Variants in CFAP54 observed in about 807,000 individuals in gnomAD.
CFAP54 encodes the protein cilia- and flagella-associated protein 54.
A neutral mutation model predicts 370.4 loss-of-function variants in CFAP54; 290 were observed. The observed-to-expected ratio is 0.78, with a 90% confidence interval of 0.71 to 0.86. The LOEUF is 0.86. CFAP54 is among the 40% of genes least tolerant of loss of function. CFAP54 has a pLI of 0.00. For missense variants in CFAP54, 3,399 were observed against 3,528.7 expected (o/e 0.96, Z 0.93); for synonymous variants, 1,206 against 1,236.5 (o/e 0.98, Z 0.52).
At chr12:96,841,173 A>G (rs1565999388) in intron 66 of CFAP54, among the ~76,000 whole-genome samples, 1 of 152,188 alleles carries the variant, frequency 6.6e-6, no homozygotes, top group East Asian at 1.9e-4. Context: ...GATACTGTGT[A>G]TTTACTGTGA....
intron 26 of CFAP54, among the ~76,000 whole-genome samples, chr12:96,599,703 A>G (rs1240022114): frequency 6.6e-6 from 1 of 152,158 alleles, no homozygotes; most frequent in Non-Finnish European, 1.5e-5. Flanking sequence ...CGCCATTCTA[A>G]CTGGTGTGAG....
chr12:96,794,600 TA>T (rs1234710971), intron 63 of CFAP54, among the ~76,000 whole-genome samples: 1 of 152,176 alleles, frequency 6.6e-6, no homozygotes, highest in Non-Finnish European at 1.5e-5. Flanking sequence ...CATTGTTTTT[TA>T]TTTATGCTGT....
chr12:96,547,934 C>T lies in CFAP54; in HGVS notation c.2110C>T (p.Pro704Ser). The T allele has an allele frequency of 2.0e-6, 3 of 1,507,526 alleles. No individual in the cohort carries two copies. Among genetic ancestry groups the T allele is most frequent in the African/African-American group, 1.4e-5 (1 of 71,976 alleles). 93.4% of individuals were successfully genotyped at this position (1,507,526 alleles called of 1,614,324 possible). Residue 704 changes from proline (P) to serine (S), a missense_variant, in exon 15 of 68, where the codon CCT becomes TCT. Physicochemically the swap from Pro to Ser is moderately conservative, Grantham distance 74 (BLOSUM62 -1). Transcript: ENST00000524981. ...VPLREGTNKF[P>S]GAPKGITEIL... ...TTTAAGAGAAGGGACTAACAAATTC[C>T]CTGGAGCTCCAAAAGGGATCACAGA...
intron 55 of CFAP54, among the ~76,000 whole-genome samples, chr12:96,749,353 T>A (rs1958157260): frequency 6.6e-6 from 1 of 152,240 alleles, no homozygotes; most frequent in African/African-American, 2.4e-5. Context: ...CCTCACGACC[T>A]AATCACCTCC....
At chr12:96,790,330 T>G (rs1359090639) in intron 62 of CFAP54, among the ~76,000 whole-genome samples, 2 of 151,696 alleles carry the variant, frequency 1.3e-5, no homozygotes, top group East Asian at 3.9e-4. Flanking sequence ...TTTTATTTCT[T>G]TCAAAGAACA....
chr12:96,581,139 G>A, intron 22 of CFAP54, 34 bp downstream of exon 22: 1 of 1,326,194 alleles, frequency 7.5e-7, no homozygotes, highest in Non-Finnish European at 9.8e-7. Flanking sequence ...TTTCCACTGT[G>A]TTTTTTTTTC....
At chr12:96,507,214 A>G (rs1955112188) in intron 4 of CFAP54, 115 bp downstream of exon 4, 2 of 823,822 alleles carry the variant, frequency 2.4e-6, no homozygotes, top group Non-Finnish European at 3.5e-6. Context: ...TCATAATAGG[A>G]TGAATATATT....
intron 67 of CFAP54, among the ~76,000 whole-genome samples, chr12:96,864,582 G>T (rs1437996544): frequency 2.0e-5 from 3 of 152,074 alleles, no homozygotes; most frequent in African/African-American, 7.2e-5. Flanking sequence ...AGTCTGCATT[G>T]CCCCTTCCTG....
At chr12:96,793,923 AGTTT>A (rs1958731134) in intron 63 of CFAP54, among the ~76,000 whole-genome samples, 2 of 151,766 alleles carry the variant, frequency 1.3e-5, no homozygotes, top group Admixed American at 1.3e-4. Context: ...TTTTCTTGCT[AGTTT>A]GTTTGAGTTC....
intron 60 of CFAP54, among the ~76,000 whole-genome samples, chr12:96,778,209 A>G (rs1230944871): frequency 6.6e-6 from 1 of 152,196 alleles, no homozygotes; most frequent in Non-Finnish European, 1.5e-5. Flanking sequence ...ATGGGTGATT[A>G]CTGCAAATGG....
In CFAP54 at chr12:96,651,641, C is replaced by T; in HGVS notation, c.4926C>T (p.Ala1642=). The change falls in exon 36 of 68, where the codon GCC becomes GCT. Residue 1642 remains alanine (A), a synonymous_variant. Coordinates refer to ENST00000524981, the MANE Select transcript of CFAP54 (RefSeq NM_001306084.2). ...YWTLLQNCCR[A]LWNFTQELQI... Reference sequence around the variant, plus strand: ...CTCTGCTTCAGAACTGCTGTCGGGCCTTATGGAACTTTACTCAGGAACTAC... The same window carrying T: ...CTCTGCTTCAGAACTGCTGTCGGGCTTTATGGAACTTTACTCAGGAACTAC... The T allele has an allele frequency of 6.2e-7, 1 of 1,614,136 alleles. No individual in the cohort carries two copies. The highest frequency in any genetic ancestry group is 2.2e-5 in the East Asian group (1 of 44,874).
Position 96,743,728 on chromosome 12 carries a change from T to C in CFAP54, c.7378-3T>C, listed in dbSNP as rs1592737535. The C allele has an allele frequency of 1.3e-6, 2 of 1,584,326 alleles. No homozygotes were observed. Among genetic ancestry groups the C allele is most frequent in the East Asian group, 2.2e-5 (1 of 44,604 alleles). On this transcript the variant is annotated splice_polypyrimidine_tract_variant and splice_region_variant and intron_variant, in intron 53 of 67. Transcript: ENST00000524981. ...ATCAAAATGAATAATTTTATTTTAA[T>C]AGGATATAATACATTTGCTGGAAGG...
intron 9 of CFAP54, among the ~76,000 whole-genome samples, chr12:96,529,991 T>C (rs373896742): frequency 3.9e-4 from 60 of 152,238 alleles, no homozygotes; most frequent in Non-Finnish European, 7.3e-4. Flanking sequence ...TAATTAGAAA[T>C]TAGATCTTTT....
intron 46 of CFAP54, 63 bp from the exon 47 acceptor site, chr12:96,704,680 G>A: frequency 1.5e-6 from 1 of 665,272 alleles, no homozygotes; most frequent in South Asian, 2.5e-5. Flanking sequence ...CACATTAAAT[G>A]TTTTATTGAA....
intron 67 of CFAP54, 60 bp downstream of exon 67, chr12:96,861,012 A>G (rs1408284351): frequency 1.7e-5 from 22 of 1,290,994 alleles, no homozygotes; most frequent in Non-Finnish European, 2.0e-5. Flanking sequence ...AGTTTTTGGA[A>G]CGGTCCTCTT....
chr12:96,682,295 C>T (rs1478036461), intron 40 of CFAP54: 39 of 985,642 alleles, frequency 4.0e-5, no homozygotes, highest in Non-Finnish European at 4.1e-5. Context: ...CTTCCATATT[C>T]ACAACTTGGA....
intron 50 of CFAP54, among the ~76,000 whole-genome samples, chr12:96,735,124 C>T (rs941680375): frequency 6.6e-6 from 1 of 152,108 alleles, no homozygotes; most frequent in African/African-American, 2.4e-5. Context: ...GTAATATTCC[C>T]TGATAGGTTC....
chr12:96,686,071 C>A (rs764983033), intron 42 of CFAP54, among the ~76,000 whole-genome samples: 2 of 152,206 alleles, frequency 1.3e-5, no homozygotes, highest in Non-Finnish European at 2.9e-5. Flanking sequence ...GCTATCATAA[C>A]AAAGTACCAC....
chr12:96,709,632 G>A (rs1592719497), intron 48 of CFAP54, among the ~76,000 whole-genome samples: 2 of 151,856 alleles, frequency 1.3e-5, no homozygotes, highest in South Asian at 2.1e-4. Flanking sequence ...GATATGGTAT[G>A]TTACATTAAC....
Sources: gnomAD v4.1 joint callset for allele counts (sites outside exome capture counted in the v4.1 genomes callset) on GRCh38, gnomAD v4.1.1 for gene constraint, MANE v1.5 for transcripts, NCBI Gene and HGNC (gene_info 2026-07-23, HGNC 2026-07-21) for gene names.